Variants in PRKG1 observed in about 807,000 individuals in gnomAD.
PRKG1 encodes the protein cGMP-dependent protein kinase 1.
In PRKG1, 35 loss-of-function variants were observed where a neutral mutation model predicts 88.1. The ratio of observed to expected loss-of-function variants is 0.40; its 90% CI spans 0.30 to 0.53. The LOEUF is 0.53. Ranked by LOEUF, PRKG1 falls within the 20% of genes least tolerant of loss-of-function variation. PRKG1 has a pLI of 0.59. For missense variants in PRKG1, 540 were observed against 839.8 expected (o/e 0.64, Z 4.41); for synonymous variants, 303 against 292.5 (o/e 1.04, Z -0.37).
chr10:51,208,276 C>A (rs1838115702), intron 2 of PRKG1, among the ~76,000 whole-genome samples: 1 of 152,086 alleles, frequency 6.6e-6, no homozygotes, highest in Non-Finnish European at 1.5e-5. Context: ...AATGTTAGCA[C>A]AAAATGTGAT....
intron 8 of PRKG1, among the ~76,000 whole-genome samples, chr10:52,135,571 G>T (rs1017930810): frequency 5.9e-5 from 9 of 152,096 alleles, no homozygotes; most frequent in African/African-American, 2.2e-4. Flanking sequence ...CATAAGAAAT[G>T]AAGAGGTAAA....
At chr10:51,048,899 G>A (rs1338681135) in intron 1 of PRKG1, among the ~76,000 whole-genome samples, 7 of 151,584 alleles carry the variant, frequency 4.6e-5, no homozygotes, top group African/African-American at 4.9e-5. Flanking sequence ...ACCATGCACC[G>A]CATGTCAGTC....
upstream of PRKG1, among the ~76,000 whole-genome samples, chr10:51,070,975 G>A (rs2132797023): frequency 6.6e-6 from 1 of 152,326 alleles, no homozygotes; most frequent in East Asian, 1.9e-4. Context: ...CAGATAGGCA[G>A]TGGGGCAGGG....
At chr10:52,038,421 C>G (rs567336783) in intron 5 of PRKG1, among the ~76,000 whole-genome samples, 1 of 149,846 alleles carries the variant, frequency 6.7e-6, no homozygotes, top group African/African-American at 2.5e-5. Context: ...AATAAGGGGT[C>G]GAGCATGGAA....
chr10:52,112,196 C>T (rs1181319841), intron 7 of PRKG1, among the ~76,000 whole-genome samples: 1 of 152,184 alleles, frequency 6.6e-6, no homozygotes, highest in Non-Finnish European at 1.5e-5. Context: ...CACATACTCA[C>T]TCCTAAGGTT....
At chr10:51,690,289 C>T (rs758140339) in intron 3 of PRKG1, among the ~76,000 whole-genome samples, 23 of 152,172 alleles carry the variant, frequency 1.5e-4, no homozygotes, top group African/African-American at 4.6e-4. Context: ...CCTCCAACAC[C>T]GGGGATTATA....
At chr10:52,144,366 C>G (rs573942626) in intron 8 of PRKG1, among the ~76,000 whole-genome samples, 1 of 152,090 alleles carries the variant, frequency 6.6e-6, no homozygotes, top group Non-Finnish European at 1.5e-5. Flanking sequence ...AATAAGAAAC[C>G]AACAGAGAAC....
chr10:51,227,416 C>T lies in PRKG1; in HGVS notation c.478+74086C>T, dbSNP rs1589260624. ...ATAGCATGGTGCACACCACACTAGC[C>T]CTTCAGGTGTTCTTGTTCTCTTTTT... On this transcript the variant is annotated intron_variant, in intron 2 of 17. Transcript: ENST00000373980. Among the ~76,000 whole-genome samples, 5 of 152,162 alleles carry T rather than the reference C, an allele frequency of 3.3e-5. No individual in the cohort carries two copies. In the South Asian group the frequency reaches 1.0e-3, roughly 32 times the overall value.
chr10:51,090,899 A>G (rs991044842), intron 1 of PRKG1, among the ~76,000 whole-genome samples: 2 of 152,210 alleles, frequency 1.3e-5, no homozygotes, highest in Admixed American at 6.5e-5. Context: ...TTTCTATTTG[A>G]AAACCATTCA....
intron 2 of PRKG1, among the ~76,000 whole-genome samples, chr10:51,377,658 C>G (rs1842844072): frequency 6.6e-6 from 1 of 151,786 alleles, no homozygotes; most frequent in Non-Finnish European, 1.5e-5. Flanking sequence ...CACCTAAAAT[C>G]CTGATTTGTT....
At chr10:51,024,635 G>A (rs2132738720) in intron 1 of PRKG1, among the ~76,000 whole-genome samples, 1 of 152,232 alleles carries the variant, frequency 6.6e-6, no homozygotes, top group South Asian at 2.1e-4. Context: ...AATTTATAAA[G>A]AAAAGAGATT....
intron 3 of PRKG1, among the ~76,000 whole-genome samples, chr10:51,731,545 G>A (rs1842271331): frequency 6.6e-6 from 1 of 152,146 alleles, no homozygotes; most frequent in South Asian, 2.1e-4. Flanking sequence ...AAATATTCGG[G>A]ACTTCCAGTA....
intron 7 of PRKG1, among the ~76,000 whole-genome samples, chr10:52,079,706 C>G (rs1227982075): frequency 1.3e-5 from 2 of 152,112 alleles, no homozygotes; most frequent in Non-Finnish European, 2.9e-5. Context: ...CAGGAGATAG[C>G]TGGTAGAGGG....
chr10:52,090,447 A>C (rs1847028245), intron 7 of PRKG1, among the ~76,000 whole-genome samples: 1 of 147,432 alleles, frequency 6.8e-6, no homozygotes, highest in Non-Finnish European at 1.5e-5. Context: ...TGAATAAATA[A>C]GTGAGAAGAG....
chr10:51,860,388 A>C (rs2132832770), intron 4 of PRKG1, among the ~76,000 whole-genome samples: 1 of 152,330 alleles, frequency 6.6e-6, no homozygotes, highest in South Asian at 2.1e-4. Context: ...GTGTCAGCAG[A>C]AAAGAGAGCG....
intron 3 of PRKG1, among the ~76,000 whole-genome samples, chr10:51,663,342 C>A (rs1191289969): frequency 1.3e-5 from 2 of 152,080 alleles, no homozygotes; most frequent in African/African-American, 4.8e-5. Context: ...TATACAGTTT[C>A]ACATATGATT....
At chr10:51,652,031 T>G (rs1840051887) in intron 3 of PRKG1, among the ~76,000 whole-genome samples, 1 of 152,160 alleles carries the variant, frequency 6.6e-6, no homozygotes, top group South Asian at 2.1e-4. Flanking sequence ...AGCTCAAACT[T>G]TATCATTAGC....
intron 1 of PRKG1, among the ~76,000 whole-genome samples, chr10:51,135,246 A>G (rs965040134): frequency 9.9e-5 from 15 of 152,218 alleles, no homozygotes; most frequent in Admixed American, 2.6e-4. Flanking sequence ...TAAGCAGATA[A>G]TATGCCAAGC....
At chr10:51,084,224 G>A (rs1052294827) in intron 1 of PRKG1, among the ~76,000 whole-genome samples, 3 of 152,114 alleles carry the variant, frequency 2.0e-5, no homozygotes, top group Middle Eastern at 3.2e-3. Context: ...GTTATTGCGC[G>A]TAATTGGGGA....
Sources: allele counts gnomAD v4.1 joint callset (sites outside exome capture counted in the v4.1 genomes callset), GRCh38; gene constraint gnomAD v4.1.1; transcripts MANE v1.5; gene names NCBI Gene and HGNC (gene_info 2026-07-23, HGNC 2026-07-21).